The following RFTN1 variants were observed in gnomAD, a reference collection of about 807,000 sequenced individuals.
RFTN1 encodes the protein raftlin, lipid raft linker 1, also known as raftlin.
RFTN1 carries 26 observed loss-of-function variants against 46.5 expected under a neutral mutation model. The observed-to-expected ratio is 0.56, with a 90% confidence interval of 0.41 to 0.78. The LOEUF (loss-of-function observed/expected upper bound fraction) is 0.78. RFTN1 is among the 30% of genes least tolerant of loss of function. RFTN1 has a pLI of 0.00. For synonymous variants in RFTN1, 261 were observed against 284.2 expected (o/e 0.92, Z 0.82); for missense variants, 693 against 718.7 (o/e 0.96, Z 0.41).
chr3:16,406,286 CTTG>C (rs748394848), intron 4 of RFTN1, among the ~76,000 whole-genome samples: 1 of 152,198 alleles, frequency 6.6e-6, no homozygotes, highest in Non-Finnish European at 1.5e-5. Flanking sequence ...TGTCCCACTT[CTTG>C]TTGTCATGGC....
Position 16,337,989 on chromosome 3 carries a change from A to T in RFTN1, c.1147-11113T>A, listed in dbSNP as rs1237003400. Among the ~76,000 whole-genome samples, 1 of 152,052 alleles carries T rather than the reference A, an allele frequency of 6.6e-6. No homozygotes were observed. The highest frequency in any genetic ancestry group is 6.6e-5 in the Admixed American group (1 of 15,262). On this transcript the variant is annotated intron_variant, in intron 7 of 9. Transcript: ENST00000334133. This position sits in a 1 kb window ranked among gnomAD's most constrained non-coding sequence, Gnocchi z 5.0. ...CTTGCCCTGGAAGAGAGAGATAAAA[A>T]CCCACACTGGGTAGATCGTCCTAGC...
At chr3:16,333,065 A>G (rs1559824895) in intron 7 of RFTN1, among the ~76,000 whole-genome samples, 1 of 152,248 alleles carries the variant, frequency 6.6e-6, no homozygotes, top group African/African-American at 2.4e-5. Context: ...AGCCAACAGC[A>G]CTATAACTCA....
rs2075193078 is a variant in RFTN1, at chr3:16,421,875, T to C, written c.332+11976A>G. Among the ~76,000 whole-genome samples, 1 of 152,210 alleles carries C rather than the reference T, an allele frequency of 6.6e-6. No individual in the cohort carries two copies. Among genetic ancestry groups the C allele is most frequent in the South Asian group, 2.1e-4 (1 of 4,824 alleles). On this transcript the variant is annotated intron_variant, in intron 3 of 9. Transcript: ENST00000334133. The surrounding 1 kb of genome is among the most constrained non-coding windows in gnomAD (Gnocchi z 4.6). ...AAAGCGATCCACTAATTCACCTTAC[T>C]GAGATCTCAGCTGAAAGTGCTTCCC...
intron 8 of RFTN1, among the ~76,000 whole-genome samples, chr3:16,325,537 A>G (rs2069604812): frequency 6.6e-6 from 1 of 152,224 alleles, no homozygotes; most frequent in African/African-American, 2.4e-5. Context: ...CACTTGACCA[A>G]CATGACACAG....
At chr3:16,323,593 C>G (rs2069332921) in intron 8 of RFTN1, 136 bp from the exon 9 acceptor site, 12 of 601,038 alleles carry the variant, frequency 2.0e-5, no homozygotes, top group South Asian at 1.5e-4. Context: ...GACGCCTGCT[C>G]TACTCTTCCG....
In RFTN1 at chr3:16,470,230, G is replaced by A. The variant is rs867606416; in HGVS notation, c.145+23495C>T. Among the ~76,000 whole-genome samples, 61 of 148,892 alleles carry A rather than the reference G, an allele frequency of 4.1e-4. No individual in the cohort carries two copies. The South Asian group carries it at 9.6e-3, about 23-fold the overall frequency. On this transcript the variant is annotated intron_variant, in intron 2 of 9. Coordinates refer to ENST00000334133, the MANE Select transcript of RFTN1 (RefSeq NM_015150.2). ...TAACAACTATAAACTCTGCACACAC[G>A]CACACACACACACACACACATACAG...
chr3:16,500,973 G>A lies in RFTN1; in HGVS notation c.-8-7096C>T, dbSNP rs745996551. On this transcript the variant is annotated intron_variant, in intron 1 of 9. Coordinates refer to ENST00000334133, the MANE Select transcript of RFTN1 (RefSeq NM_015150.2). This position sits in a 1 kb window ranked among gnomAD's most constrained non-coding sequence, Gnocchi z 5.9. ...AATGCGGGAGCATTCGGAACAAATC[G>A]CTGTTATATAAAACAGAGATGGGTG... is the stretch of plus-strand genomic sequence containing the variant. Among the ~76,000 whole-genome samples the A allele has an allele frequency of 3.3e-5, 5 of 152,162 alleles. No individual in the cohort carries two copies. The highest frequency in any genetic ancestry group is 1.5e-5 in the Non-Finnish European group (1 of 68,030).
chr3:16,509,316 T>A lies in RFTN1; in HGVS notation c.-9+4126A>T, dbSNP rs2076861230. Among the ~76,000 whole-genome samples, 1 of 152,210 alleles carries A rather than the reference T, an allele frequency of 6.6e-6. No homozygotes were observed. The highest frequency in any genetic ancestry group is 1.5e-5 in the Non-Finnish European group (1 of 68,030). On this transcript the variant is annotated intron_variant, in intron 1 of 9. Coordinates refer to ENST00000334133, the MANE Select transcript of RFTN1 (RefSeq NM_015150.2). The surrounding 1 kb of genome is among the most constrained non-coding windows in gnomAD (Gnocchi z 4.9). ...ATGGCTTTGTGTATTTGGAAATCCG[T>A]GATTGTAGACAGATTTTGCCTTCAA...
In RFTN1 at chr3:16,425,227, A is replaced by C. The variant is rs1430976928; in HGVS notation, c.332+8624T>G. On this transcript the variant is annotated intron_variant, in intron 3 of 9. Coordinates refer to ENST00000334133, the MANE Select transcript of RFTN1 (RefSeq NM_015150.2). The surrounding 1 kb of genome is among the most constrained non-coding windows in gnomAD (Gnocchi z 4.3). ...ACCAAATAAATCTTCCTAGAGAGTC[A>C]ATTTTTACTTAAAGATTGTATGTAC... Among the ~76,000 whole-genome samples the C allele has an allele frequency of 6.6e-6, 1 of 152,220 alleles. No homozygotes were observed. The highest frequency in any genetic ancestry group is 2.4e-5 in the African/African-American group (1 of 41,460).
intron 3 of RFTN1, chr3:16,416,095 T>C (rs1401001957): frequency 2.8e-6 from 1 of 358,014 alleles, no homozygotes; most frequent in Non-Finnish European, 5.6e-6. Context: ...TCTTACATCT[T>C]GGGACCCCCC....
At chr3:16,493,301 G>A (rs528673408) in intron 2 of RFTN1, among the ~76,000 whole-genome samples, 8 of 151,422 alleles carry the variant, frequency 5.3e-5, no homozygotes, top group South Asian at 4.2e-4. Context: ...GCGTGATCTC[G>A]GCTCACTGCA....
At position 16,483,572 on chromosome 3, in the gene RFTN1, T is replaced by C. The variant is rs17042336; in HGVS notation, c.145+10153A>G. 2.9e-3 allele frequency among the ~76,000 whole-genome samples: 442 copies of C among 152,308 alleles called. 4 individuals are homozygous for C. The highest frequency in any genetic ancestry group is 9.9e-3 in the African/African-American group (410 of 41,562). On this transcript the variant is annotated intron_variant, in intron 2 of 9. Coordinates refer to ENST00000334133, the MANE Select transcript of RFTN1 (RefSeq NM_015150.2). This position sits in a 1 kb window ranked among gnomAD's most constrained non-coding sequence, Gnocchi z 4.8. ...CTTTTTAAACAAACTTTGAGAATCA[T>C]TGTGTCACCTTGTATCCTTATTTTT...
intron 2 of RFTN1, among the ~76,000 whole-genome samples, chr3:16,441,366 C>A (rs1249305546): frequency 6.9e-6 from 1 of 144,694 alleles, no homozygotes; most frequent in South Asian, 2.2e-4. Flanking sequence ...ATCCACAAAA[C>A]CACACATTTC....
At chr3:16,394,156 C>A (rs1188764306) in intron 4 of RFTN1, among the ~76,000 whole-genome samples, 1 of 151,868 alleles carries the variant, frequency 6.6e-6, no homozygotes, top group Admixed American at 6.6e-5. Context: ...CACTTGAGGC[C>A]AGAAAAGGCA....
In RFTN1 at chr3:16,428,985, CAAAG is replaced by C. The variant is rs1171672181; in HGVS notation, c.332+4862_332+4865del. Among the ~76,000 whole-genome samples, 1 of 152,098 alleles carries C rather than the reference CAAAG, an allele frequency of 6.6e-6. No homozygotes were observed. Among genetic ancestry groups the C allele is most frequent in the African/African-American group, 2.4e-5 (1 of 41,420 alleles). On this transcript the variant is annotated intron_variant, in intron 3 of 9. Coordinates refer to ENST00000334133, the MANE Select transcript of RFTN1 (RefSeq NM_015150.2). This position sits in a 1 kb window ranked among gnomAD's most constrained non-coding sequence, Gnocchi z 4.7. ...GTCTATTAAAAATCACTAAGTGTTC[CAAAG>C]AAAGAGTTGAGAAAATGAAGTACAA...
chr3:16,493,064 A>C (rs879416145), intron 2 of RFTN1, among the ~76,000 whole-genome samples: 2 of 152,202 alleles, frequency 1.3e-5, no homozygotes, highest in Non-Finnish European at 2.9e-5. Context: ...AGGCAGGTGA[A>C]TTTGGGTGGA....
In RFTN1 at chr3:16,452,784, G is replaced by A. The variant is rs536528751; in HGVS notation, c.146-18747C>T. Among the ~76,000 whole-genome samples the A allele has an allele frequency of 3.9e-5, 6 of 152,276 alleles. No homozygotes were observed. The highest frequency in any genetic ancestry group is 1.9e-4 in the East Asian group (1 of 5,186). On this transcript the variant is annotated intron_variant, in intron 2 of 9. Transcript: ENST00000334133. The surrounding 1 kb of genome is among the most constrained non-coding windows in gnomAD (Gnocchi z 6.3). ...TGGAGAAATGCAACCAAGTCAGGCCGAAGACAGTCAACTGTTATGTGACAA... is the reference window on the plus strand; with the variant it reads ...TGGAGAAATGCAACCAAGTCAGGCCAAAGACAGTCAACTGTTATGTGACAA...
In RFTN1 at chr3:16,421,346, GT is replaced by G. The variant is rs60055519; in HGVS notation, c.333-11864del. Among the ~76,000 whole-genome samples the G allele has an allele frequency of 0.15, 22,193 of 145,766 alleles. 1,847 individuals carry two copies. Among genetic ancestry groups the G allele is most frequent in the Admixed American group, 0.22 (3,228 of 14,676 alleles). On this transcript the variant is annotated intron_variant, in intron 3 of 9. Coordinates refer to ENST00000334133, the MANE Select transcript of RFTN1 (RefSeq NM_015150.2). This position sits in a 1 kb window ranked among gnomAD's most constrained non-coding sequence, Gnocchi z 4.6. ...TGAACAGGTAGGCATTGGTATTGGT[GT>G]TTTTTTTTTTTCTTTTCTTTTTGAG...
At chr3:16,350,485 TG>T (rs2072023686) in intron 7 of RFTN1, among the ~76,000 whole-genome samples, 1 of 140,210 alleles carries the variant, frequency 7.1e-6, no homozygotes, top group African/African-American at 2.7e-5. Context: ...CAAGCTGAGA[TG>T]AATCACTTTT....
Sources: gnomAD v4.1 joint callset for allele counts (sites outside exome capture counted in the v4.1 genomes callset) on GRCh38, gnomAD v4.1.1 for gene constraint, Gnocchi (gnomAD v3.1) non-coding constraint, MANE v1.5 for transcripts, NCBI Gene and HGNC (gene_info 2026-07-23, HGNC 2026-07-21) for gene names.